Variants in TRIM66 observed in about 807,000 individuals in gnomAD.
TRIM66 encodes tripartite motif containing 66, also known as tripartite motif-containing protein 66.
Under a neutral mutation model 148.2 loss-of-function variants are expected in TRIM66, and 99 were observed. That is an observed-to-expected ratio of 0.67 (90% CI 0.57 to 0.79). The LOEUF (loss-of-function observed/expected upper bound fraction) is 0.79. Ranked by LOEUF, TRIM66 falls within the 30% of genes least tolerant of loss-of-function variation. The probability of loss-of-function intolerance (pLI) is 0.00; values close to 1 mark genes in which losing one functional copy is unlikely to be tolerated. For missense variants in TRIM66, 1,666 were observed against 1,697.9 expected (o/e 0.98, Z 0.33); for synonymous variants, 616 against 635.9 (o/e 0.97, Z 0.47).
At chr11:8,632,968 A>C (rs1189855743) in intron 15 of TRIM66, among the ~76,000 whole-genome samples, 4 of 152,198 alleles carry the variant, frequency 2.6e-5, no homozygotes, top group Non-Finnish European at 5.9e-5. Context: ...TAATCCAGGG[A>C]GGACAGAAAA....
intron 6 of TRIM66, among the ~76,000 whole-genome samples, chr11:8,671,281 C>T (rs933962637): frequency 6.6e-5 from 10 of 152,224 alleles, no homozygotes; most frequent in African/African-American, 1.2e-4. Context: ...ACCCGGTTCC[C>T]GTCTCCAGTG....
intron 15 of TRIM66, among the ~76,000 whole-genome samples, chr11:8,637,560 C>G (rs879431234): frequency 3.3e-5 from 5 of 152,240 alleles, no homozygotes; most frequent in African/African-American, 1.2e-4. Context: ...TTTGCCATCC[C>G]TTCTTTTTTC....
At position 8,624,439 on chromosome 11, in the gene TRIM66, A is replaced by T. The variant is rs2034611120; in HGVS notation, c.2939T>A (p.Ile980Asn). 1 of 1,551,630 alleles carries T rather than the reference A, an allele frequency of 6.4e-7. No individual in the cohort carries two copies. The highest frequency in any genetic ancestry group is 8.7e-7 in the Non-Finnish European group (1 of 1,146,972). ...TGGAGGTTTCTTCACAGAGAGGTTA[A>T]TTGGCTCCTCCAGTTCTGAGGGGAT... ...LAIPSELEEPINLSVKKPPLA... is the reference protein window; with the variant it reads ...LAIPSELEEPNNLSVKKPPLA... Residue 980 changes from isoleucine (I) to asparagine (N), a missense_variant, in exon 17 of 25, where the codon ATT (isoleucine) becomes AAT (asparagine). Around this residue, in one of 3 missense-constraint regions of TRIM66, gnomAD observed 1,431 missense variants for 1,412.4 expected, o/e 1.01. Coordinates refer to ENST00000646038, the MANE Select transcript of TRIM66 (RefSeq NM_001388022.1).
intron 6 of TRIM66, among the ~76,000 whole-genome samples, chr11:8,662,501 C>G (rs140954578): frequency 5.7e-4 from 87 of 152,286 alleles, no homozygotes; most frequent in African/African-American, 2.1e-3. Flanking sequence ...CTTCAAGAAG[C>G]ATCGGGCTAT....
At position 8,615,693 on chromosome 11, in the gene TRIM66, T is replaced by C. The variant is rs1296812235; in HGVS notation, c.*2251A>G. 6.6e-6 allele frequency: 1 copy of C among 152,130 alleles called. No homozygotes were observed. The highest frequency in any genetic ancestry group is 2.4e-5 in the African/African-American group (1 of 41,404). The allele number at this position is 152,130 out of a possible 1,614,324, so 9.4% of individuals were successfully genotyped here. On this transcript the variant is annotated 3_prime_UTR_variant, in exon 25 of 25. Transcript: ENST00000646038. ...GGCTCTCTACGATGAGAAGGGAGCA[T>C]GTGTCTCTCTAGCACATTACTAAGA...
chr11:8,660,783 G>A (rs914176495), intron 6 of TRIM66, among the ~76,000 whole-genome samples: 1 of 152,210 alleles, frequency 6.6e-6, no homozygotes, highest in Admixed American at 6.5e-5. Context: ...GGTCACATCT[G>A]AGCTGGACCT....
At chr11:8,622,365 C>CACACACACACACATATAT in intron 18 of TRIM66, among the ~76,000 whole-genome samples, 12 of 59,606 alleles carry the variant, frequency 2.0e-4, no homozygotes, top group African/African-American at 3.9e-4. Context: ...CACACACACA[C>CACACACACACACATATAT]ATATATATAT....
chr11:8,663,508 T>C (rs2038395800), intron 6 of TRIM66, among the ~76,000 whole-genome samples: 1 of 152,206 alleles, frequency 6.6e-6, no homozygotes, highest in Admixed American at 6.5e-5. Context: ...GCAACATGAA[T>C]GCAGCCTCTA....
In TRIM66 at chr11:8,620,067, C is replaced by T. The variant is rs1162139709; in HGVS notation, c.3730G>A (p.Glu1244Lys). The T allele has an allele frequency of 3.9e-6, 6 of 1,551,710 alleles. No individual in the cohort carries two copies. Among genetic ancestry groups the T allele is most frequent in the Admixed American group, 3.9e-5 (2 of 50,996 alleles). ...TTCCTTACCAGGGGGCTGACAGGTTCATGGAAGGGCAGGCTGAGGTTATTG... is the reference window on the plus strand; with the variant it reads ...TTCCTTACCAGGGGGCTGACAGGTTTATGGAAGGGCAGGCTGAGGTTATTG... ...CCNNLSLPFHEPVSPLARHYY... is the reference protein window; with the variant it reads ...CCNNLSLPFHKPVSPLARHYY... The change falls in exon 22 of 25, where the codon GAA (glutamate) becomes AAA (lysine). Residue 1244 changes from glutamate to lysine, a missense_variant. Glu to Lys is a moderately conservative substitution (Grantham distance 56, BLOSUM62 1). This residue lies in a region of TRIM66 where 204 missense variants were observed against 231.0 expected (regional missense o/e 0.88). Transcript: ENST00000646038.
chr11:8,623,649 C>G (rs1256811129), intron 17 of TRIM66, among the ~76,000 whole-genome samples: 1 of 152,164 alleles, frequency 6.6e-6, no homozygotes, highest in Non-Finnish European at 1.5e-5. Context: ...AAATGATCAT[C>G]AGGAAGTCGC....
At chr11:8,650,558 C>T (rs981710310) in intron 7 of TRIM66, among the ~76,000 whole-genome samples, 11 of 151,986 alleles carry the variant, frequency 7.2e-5, no homozygotes, top group African/African-American at 2.7e-4. Context: ...TCACACAAGT[C>T]CTGTGCTGAA....
Position 8,621,162 on chromosome 11 carries a change from G to A in TRIM66, c.3415C>T (p.Pro1139Ser). The A allele has an allele frequency of 6.4e-7, 1 of 1,551,636 alleles. No homozygotes were observed. The highest frequency in any genetic ancestry group is 8.7e-7 in the Non-Finnish European group (1 of 1,146,968). The change falls in exon 20 of 25, where the codon CCC becomes TCC. Residue 1139 changes from proline (P) to serine (S), a missense_variant. Around this residue, in one of 3 missense-constraint regions of TRIM66, gnomAD observed 1,431 missense variants for 1,412.4 expected, o/e 1.01. Coordinates refer to ENST00000646038, the MANE Select transcript of TRIM66 (RefSeq NM_001388022.1). Reference protein sequence around the residue: ...IPRTPGAKKGPPAPIENEDFC... With the variant: ...IPRTPGAKKGSPAPIENEDFC... ...TCCTCATTCTCTATTGGGGCTGGGGGGCCCTTCTTGGCTCCTGGGGTTCGA... is the reference window on the plus strand; with the variant it reads ...TCCTCATTCTCTATTGGGGCTGGGGAGCCCTTCTTGGCTCCTGGGGTTCGA...
rs1479006355 is a variant in TRIM66, at chr11:8,648,564, G to A, written c.593-16C>T. On this transcript the variant is annotated splice_polypyrimidine_tract_variant and intron_variant, in intron 8 of 24. Coordinates refer to ENST00000646038, the MANE Select transcript of TRIM66 (RefSeq NM_001388022.1). ...CCATTCACTCCTGCCAGAGAAGACA[G>A]AGAAAGTGAGCTTCTCTTGCTCAGG... is the stretch of plus-strand genomic sequence containing the variant. 1.3e-6 allele frequency: 2 copies of A among 1,551,330 alleles called. No individual in the cohort carries two copies. Among genetic ancestry groups the A allele is most frequent in the Non-Finnish European group, 8.7e-7 (1 of 1,146,922 alleles).
chr11:8,653,825 T>C (rs183685819), intron 6 of TRIM66, among the ~76,000 whole-genome samples: 40 of 151,854 alleles, frequency 2.6e-4, no homozygotes, highest in African/African-American at 8.9e-4. Flanking sequence ...AAAAACTTTC[T>C]GAGTTTTTGC....
At chr11:8,648,880 T>C (rs1565535815) in intron 8 of TRIM66, among the ~76,000 whole-genome samples, 1 of 152,260 alleles carries the variant, frequency 6.6e-6, no homozygotes, top group African/African-American at 2.4e-5. Context: ...TGTTCATTAA[T>C]CAGGATTCTG....
chr11:8,667,376 C>T (rs574982802), intron 6 of TRIM66, among the ~76,000 whole-genome samples: 1 of 152,272 alleles, frequency 6.6e-6, no homozygotes, highest in South Asian at 2.1e-4. Context: ...AAATTTAAAA[C>T]TTTGTGCATC....
intron 14 of TRIM66, among the ~76,000 whole-genome samples, 181 bp downstream of exon 14, chr11:8,640,046 T>C (rs2036227569): frequency 6.6e-6 from 1 of 152,176 alleles, no homozygotes; most frequent in Admixed American, 6.5e-5. Context: ...CTATGCTCTC[T>C]GGAGCTTTTC....
At chr11:8,629,993 T>G (rs991888086) in intron 15 of TRIM66, among the ~76,000 whole-genome samples, 3 of 152,226 alleles carry the variant, frequency 2.0e-5, no homozygotes, top group African/African-American at 7.2e-5. Flanking sequence ...TAGTTATTTT[T>G]ATACTATATC....
At chr11:8,655,142 G>A (rs957944733) in intron 6 of TRIM66, among the ~76,000 whole-genome samples, 12 of 152,146 alleles carry the variant, frequency 7.9e-5, no homozygotes, top group African/African-American at 2.4e-5. Context: ...TTACAGGCAT[G>A]AGCCACTGTG....
Sources: gnomAD v4.1 joint callset for allele counts (sites outside exome capture counted in the v4.1 genomes callset) on GRCh38, gnomAD v4.1.1 for gene constraint, gnomAD v4.1.1 regional missense constraint, MANE v1.5 for transcripts, NCBI Gene and HGNC (gene_info 2026-07-23, HGNC 2026-07-21) for gene names.